Variants in EYS observed in about 807,000 individuals in gnomAD.
EYS encodes EGF-like photoreceptor maintenance factor.
In EYS, 250 loss-of-function variants were observed where a neutral mutation model predicts 282.1. That is an observed-to-expected ratio of 0.89 (90% CI 0.80 to 0.98). The LOEUF (loss-of-function observed/expected upper bound fraction) is 0.98. EYS is among the 50% of genes least tolerant of loss of function. EYS has a pLI of 0.00. For synonymous variants in EYS, 1,355 were observed against 1,282.9 expected, an observed-to-expected ratio of 1.06 and a Z score of -1.20; for missense variants, 4,016 against 3,709.0, an observed-to-expected ratio of 1.08 and a Z score of -2.15.
At chr6:64,216,195 A>T (rs1765921917) in intron 31 of EYS, among the ~76,000 whole-genome samples, 1 of 152,246 alleles carries the variant, frequency 6.6e-6, no homozygotes. Flanking sequence ...GATCTAGATC[A>T]GTGAAACAGC....
At chr6:65,379,049 C>CA (rs1360558895) in intron 8 of EYS, among the ~76,000 whole-genome samples, 2 of 151,040 alleles carry the variant, frequency 1.3e-5, no homozygotes, top group Non-Finnish European at 3.0e-5. Flanking sequence ...AAAAGATAAA[C>CA]AAGAAAAAAT....
At chr6:65,558,517 G>A (rs1437882456) in intron 2 of EYS, among the ~76,000 whole-genome samples, 1 of 152,102 alleles carries the variant, frequency 6.6e-6, no homozygotes, top group African/African-American at 2.4e-5. Flanking sequence ...GGTGGCTGCC[G>A]CTGCACCTGG....
intron 10 of EYS, 111 bp downstream of exon 10, chr6:65,343,927 T>A: frequency 1.1e-6 from 1 of 921,360 alleles, no homozygotes; most frequent in Non-Finnish European, 1.8e-6. Flanking sequence ...ATGCAAACTA[T>A]ATATTTTGAA....
chr6:64,715,733 C>T (rs1326370244), intron 22 of EYS, among the ~76,000 whole-genome samples: 1 of 152,220 alleles, frequency 6.6e-6, no homozygotes, highest in Non-Finnish European at 1.5e-5. Context: ...AATCCCAATG[C>T]TCACTCATTG....
At chr6:64,183,800 A>G (rs957285952) in intron 31 of EYS, among the ~76,000 whole-genome samples, 1 of 152,148 alleles carries the variant, frequency 6.6e-6, no homozygotes, top group African/African-American at 2.4e-5. Flanking sequence ...TACAGCCTTC[A>G]AATGTCTGAT....
At chr6:63,880,485 C>CTATCTA (rs756807407) in intron 35 of EYS, among the ~76,000 whole-genome samples, 4,027 of 105,410 alleles carry the variant, frequency 0.038, 54 homozygotes, top group African/African-American at 0.045. Context: ...GTCTGTCTGT[C>CTATCTA]TGTATCTATC....
chr6:65,003,939 C>T (rs1771549778), intron 13 of EYS, among the ~76,000 whole-genome samples: 1 of 147,022 alleles, frequency 6.8e-6, no homozygotes, highest in African/African-American at 2.4e-5. Flanking sequence ...ACAAAATTAC[C>T]CATTTTAGGC....
intron 2 of EYS, among the ~76,000 whole-genome samples, chr6:65,509,216 C>G (rs1766775423): frequency 6.6e-6 from 1 of 152,154 alleles, no homozygotes; most frequent in Non-Finnish European, 1.5e-5. Flanking sequence ...AGACTGACAG[C>G]TCATAACAGA....
rs566629903 is a variant in EYS, at chr6:65,273,091, G to T, written c.2023+22772C>A. 3.7e-4 allele frequency among the ~76,000 whole-genome samples: 56 copies of T among 152,272 alleles called. 1 individual carries two copies. In the South Asian group the frequency reaches 0.011, roughly 30 times the overall value. On this transcript the variant is annotated intron_variant, in intron 12 of 42. Coordinates refer to ENST00000503581, the MANE Select transcript of EYS (RefSeq NM_001142800.2). ...ATACACTGGATAAAAAAAGATTCAT[G>T]TCATAAGAGGGAGGGAGAAAGATGA... is the stretch of plus-strand genomic sequence containing the variant.
intron 12 of EYS, among the ~76,000 whole-genome samples, chr6:65,201,708 T>C (rs974355547): frequency 3.3e-5 from 5 of 152,310 alleles, no homozygotes; most frequent in Non-Finnish European, 7.3e-5. Flanking sequence ...TTCTGTTTTG[T>C]CCTATAACTA....
chr6:65,242,867 T>A (rs1767089476), intron 12 of EYS, among the ~76,000 whole-genome samples: 1 of 152,148 alleles, frequency 6.6e-6, no homozygotes, highest in Non-Finnish European at 1.5e-5. Flanking sequence ...TTTAAATGAC[T>A]AATGATGTCA....
At chr6:64,125,785 CAAAA>C (rs920132590) in intron 31 of EYS, among the ~76,000 whole-genome samples, 637 of 49,964 alleles carry the variant, frequency 0.013, 4 homozygotes, top group African/African-American at 0.037. Flanking sequence ...GACTCCGTCT[CAAAA>C]AAAAAAAAAA....
At chr6:65,617,780 C>A (rs1766264114) in intron 2 of EYS, among the ~76,000 whole-genome samples, 1 of 148,748 alleles carries the variant, frequency 6.7e-6, no homozygotes, top group African/African-American at 2.5e-5. Context: ...TCAATTTCCA[C>A]CAATGAGTGA....
intron 19 of EYS, among the ~76,000 whole-genome samples, chr6:64,835,108 T>C (rs531700947): frequency 2.0e-5 from 3 of 151,938 alleles, no homozygotes; most frequent in Non-Finnish European, 4.4e-5. Flanking sequence ...AAGGGCTTAT[T>C]TATAACATAG....
chr6:65,464,890 A>G (rs1764944559), intron 5 of EYS, among the ~76,000 whole-genome samples: 1 of 152,184 alleles, frequency 6.6e-6, no homozygotes, highest in African/African-American at 2.4e-5. Context: ...CTCAGTGAAG[A>G]GAGATGAGGC....
intron 1 of EYS, among the ~76,000 whole-genome samples, chr6:65,675,874 C>T (rs1379427323): frequency 1.3e-5 from 2 of 151,700 alleles, no homozygotes; most frequent in East Asian, 1.9e-4. Flanking sequence ...AAATTTAAAA[C>T]GATTGAAATC....
intron 28 of EYS, among the ~76,000 whole-genome samples, chr6:64,410,725 A>G (rs1195982676): frequency 6.6e-6 from 1 of 152,132 alleles, no homozygotes; most frequent in African/African-American, 2.4e-5. Context: ...AATAAAACAC[A>G]TCAACTCTAG....
chr6:63,889,096 G>T (rs534910339), intron 35 of EYS, among the ~76,000 whole-genome samples: 2 of 152,222 alleles, frequency 1.3e-5, no homozygotes, highest in African/African-American at 4.8e-5. Context: ...AGAGAAAAAA[G>T]AATGGAAAGG....
intron 24 of EYS, among the ~76,000 whole-genome samples, chr6:64,595,677 A>G (rs928499980): frequency 6.6e-6 from 1 of 152,298 alleles, no homozygotes; most frequent in Non-Finnish European, 1.5e-5. Flanking sequence ...TAAAAATGCA[A>G]TCCCAGTCAC....
Sources: gnomAD v4.1 joint callset for allele counts (sites outside exome capture counted in the v4.1 genomes callset) on GRCh38, gnomAD v4.1.1 for gene constraint, MANE v1.5 for transcripts, NCBI Gene and HGNC (gene_info 2026-07-23, HGNC 2026-07-21) for gene names.